Variants in PIEZO2 observed in about 807,000 individuals in gnomAD.
PIEZO2 encodes the protein piezo-type mechanosensitive ion channel component 2.
A neutral mutation model predicts 337.3 loss-of-function variants in PIEZO2; 172 were observed. That is an observed-to-expected ratio of 0.51 (90% CI 0.45 to 0.58). The LOEUF (loss-of-function observed/expected upper bound fraction) is 0.58. Ranked by LOEUF, PIEZO2 falls within the 20% of genes least tolerant of loss-of-function variation. PIEZO2 has a pLI of 0.00. For missense variants in PIEZO2, 3,028 were observed against 3,391.3 expected (o/e 0.89, Z 2.66); for synonymous variants, 1,251 against 1,228.5 (o/e 1.02, Z -0.38).
intron 1 of PIEZO2, among the ~76,000 whole-genome samples, chr18:11,073,733 A>G (rs11080484): frequency 0.52 from 78,705 of 151,992 alleles, 22,350 homozygotes; most frequent in East Asian, 0.97. Flanking sequence ...AAACTACGAG[A>G]GCTTTAAATG....
At chr18:10,788,230 C>T (rs933321484) in intron 15 of PIEZO2, among the ~76,000 whole-genome samples, 4 of 151,906 alleles carry the variant, frequency 2.6e-5, no homozygotes, top group African/African-American at 9.7e-5. Context: ...GGTGAAACCC[C>T]GTCTCTACTA....
chr18:11,091,103 A>T (rs747312517), intron 1 of PIEZO2, among the ~76,000 whole-genome samples: 9 of 152,062 alleles, frequency 5.9e-5, no homozygotes, highest in Non-Finnish European at 1.2e-4. Flanking sequence ...AGAAATATTC[A>T]GGCCCGGCGC....
chr18:10,703,453 T>C (rs1225702493), intron 42 of PIEZO2, among the ~76,000 whole-genome samples: 1 of 152,266 alleles, frequency 6.6e-6, no homozygotes, highest in African/African-American at 2.4e-5. Context: ...ACTTTTGAGA[T>C]GCTTTACTGT....
At chr18:10,760,855 A>G in intron 24 of PIEZO2, 56 bp downstream of exon 24, 2 of 1,408,318 alleles carry the variant, frequency 1.4e-6, no homozygotes, top group Non-Finnish European at 1.9e-6. Flanking sequence ...GGCCAGAAGC[A>G]GTTCTTTGAA....
intron 3 of PIEZO2, among the ~76,000 whole-genome samples, chr18:10,956,423 A>T (rs2033524385): frequency 6.6e-6 from 1 of 152,206 alleles, no homozygotes; most frequent in African/African-American, 2.4e-5. Flanking sequence ...ATGGATTGGC[A>T]AAACTAATAT....
chr18:10,921,826 G>C (rs949196801), intron 3 of PIEZO2, among the ~76,000 whole-genome samples: 1 of 152,124 alleles, frequency 6.6e-6, no homozygotes, highest in African/African-American at 2.4e-5. Flanking sequence ...GTGGGTCTCT[G>C]AACTGGCCCC....
In PIEZO2 at chr18:10,716,362, C is replaced by A. The variant is rs1373541493; in HGVS notation, c.5090-546G>T. 6.6e-6 allele frequency among the ~76,000 whole-genome samples: 1 copy of A among 152,192 alleles called. No individual in the cohort carries two copies. Among genetic ancestry groups the A allele is most frequent in the Non-Finnish European group, 1.5e-5 (1 of 68,034 alleles). On this transcript the variant is annotated intron_variant, in intron 37 of 55. Coordinates refer to ENST00000674853, the MANE Select transcript of PIEZO2 (RefSeq NM_001378183.1). This position sits in a 1 kb window ranked among gnomAD's most constrained non-coding sequence, Gnocchi z 4.1. ...ACTATATTTTCTTTCTGATTTTCTTCATGACATTTTCTCTAGCTTCCTTAT... is the reference window on the plus strand; with the variant it reads ...ACTATATTTTCTTTCTGATTTTCTTAATGACATTTTCTCTAGCTTCCTTAT...
At chr18:10,934,129 A>G (rs2032240869) in intron 3 of PIEZO2, among the ~76,000 whole-genome samples, 1 of 152,264 alleles carries the variant, frequency 6.6e-6, no homozygotes, top group African/African-American at 2.4e-5. Flanking sequence ...GTCTATCAAA[A>G]TATTTCTGAC....
chr18:10,761,107 T>C lies in PIEZO2; in HGVS notation c.3254A>G (p.Asn1085Ser). 6.5e-7 allele frequency: 1 copy of C among 1,536,960 alleles called. No individual in the cohort carries two copies. Among genetic ancestry groups the C allele is most frequent in the East Asian group, 2.4e-5 (1 of 40,922 alleles). Residue 1085 changes from asparagine (N) to serine (S), a missense_variant, in exon 24 of 56, where the codon AAC becomes AGC. Asn to Ser is a conservative substitution (Grantham distance 46, BLOSUM62 1). Transcript: ENST00000674853. ...GGCCAGGATAGCCAGCATCAGGAGG[T>C]TATTCTACAAAGCAAGGAAACACAA... ...SSPLLVYLRN[N>S]LLMLAILAFE...
chr18:10,959,649 C>G (rs1489239266), intron 3 of PIEZO2, among the ~76,000 whole-genome samples: 1 of 152,046 alleles, frequency 6.6e-6, no homozygotes, highest in Non-Finnish European at 1.5e-5. Context: ...CATTACCTAC[C>G]CTTTATTTCA....
intron 22 of PIEZO2, 91 bp from the exon 23 acceptor site, chr18:10,762,716 A>C: frequency 1.4e-6 from 2 of 1,444,580 alleles, no homozygotes; most frequent in Non-Finnish European, 1.8e-6. Flanking sequence ...GCAAAATGAT[A>C]GTGGTAGGAT....
chr18:10,793,254 G>A (rs1414872004), intron 13 of PIEZO2, among the ~76,000 whole-genome samples: 6 of 144,686 alleles, frequency 4.1e-5, no homozygotes, highest in Non-Finnish European at 1.5e-5. Flanking sequence ...GCAAAACTCC[G>A]TCTCAAAAAA....
chr18:10,759,499 T>C lies in PIEZO2; in HGVS notation c.3740A>G (p.Asn1247Ser), dbSNP rs1170193016. The C allele has an allele frequency of 3.3e-6, 5 of 1,536,950 alleles. No homozygotes were observed. Among genetic ancestry groups the C allele is most frequent in the African/African-American group, 1.4e-5 (1 of 73,102 alleles). Reference protein sequence around the residue: ...LYFPDFIVRPNPVFLVYDFML... With the variant: ...LYFPDFIVRPSPVFLVYDFML... The stretch of plus-strand genomic sequence containing the variant: ...ACACTTACAGACGAGAAACACAGGG[T>C]TGGGCCGCACAATGAAATCTGGGAA... The change falls in exon 26 of 56, where the codon AAC becomes AGC. Residue 1247 changes from asparagine to serine, a missense_variant. Physicochemically the swap from Asn to Ser is conservative, Grantham distance 46. Around this residue, in one of 5 missense-constraint regions of PIEZO2, gnomAD observed 1,925 missense variants for 2,051.9 expected, o/e 0.94. Transcript: ENST00000674853. The surrounding 1 kb of genome is among the most constrained non-coding windows in gnomAD (Gnocchi z 5.5).
chr18:10,757,549 A>G, intron 27 of PIEZO2, among the ~76,000 whole-genome samples: 2 of 142,882 alleles, frequency 1.4e-5, no homozygotes, highest in African/African-American at 2.7e-5. Flanking sequence ...AGCTATGGGG[A>G]TGAGGATGAG....
chr18:10,765,737 A>AGGGCAACTGAACC (rs11271811), intron 21 of PIEZO2, among the ~76,000 whole-genome samples: 125,614 of 151,778 alleles, frequency 0.83, 52,362 homozygotes, highest in African/African-American at 0.92. Context: ...CAGCAAGTGC[A>AGGGCAACTGAACC]GGAGTCCTGT....
intron 2 of PIEZO2, among the ~76,000 whole-genome samples, chr18:11,039,581 T>G (rs1174621936): frequency 6.6e-6 from 1 of 152,050 alleles, no homozygotes; most frequent in Non-Finnish European, 1.5e-5. Context: ...ATAACTAACA[T>G]ATATATATGA....
chr18:10,682,158 C>A lies in PIEZO2; in HGVS notation c.7632G>T (p.Gly2544=). 1.3e-6 allele frequency: 2 copies of A among 1,537,086 alleles called. No individual in the cohort carries two copies. Among genetic ancestry groups the A allele is most frequent in the Non-Finnish European group, 1.7e-6 (2 of 1,146,886 alleles). The change falls in exon 50 of 56, where the codon GGG becomes GGT. Residue 2544 remains glycine (G), a synonymous_variant. Coordinates refer to ENST00000674853, the MANE Select transcript of PIEZO2 (RefSeq NM_001378183.1). The surrounding 1 kb of genome is among the most constrained non-coding windows in gnomAD (Gnocchi z 5.6). ...AGACGTCCAGGGGCTGGTTGATGAC[C>A]CCAGCCACAGATTTGATCAAAGACA... is the stretch of plus-strand genomic sequence containing the variant. ...LFMSLIKSVA[G]VINQPLDVSV...
At chr18:10,986,027 G>T (rs2034858149) in intron 2 of PIEZO2, among the ~76,000 whole-genome samples, 1 of 151,934 alleles carries the variant, frequency 6.6e-6, no homozygotes, top group African/African-American at 2.4e-5. Flanking sequence ...GATGGAAAAA[G>T]ATATTTCTGC....
chr18:10,671,448 T>C lies in PIEZO2; in HGVS notation c.*79A>G, dbSNP rs1177525801. ...CAAACCATTTCCGTCGAACTAGAAA[T>C]GCTTAGCTCTTATGAGAATATTGTG... On this transcript the variant is annotated 3_prime_UTR_variant, in exon 56 of 56. Transcript: ENST00000674853. 7.1e-7 allele frequency: 1 copy of C among 1,417,808 alleles called. No homozygotes were observed. Among genetic ancestry groups the C allele is most frequent in the African/African-American group, 1.4e-5 (1 of 69,406 alleles). 87.8% of individuals were successfully genotyped at this position (1,417,808 alleles called of 1,614,324 possible).
Sources: allele counts gnomAD v4.1 joint callset (sites outside exome capture counted in the v4.1 genomes callset), GRCh38; gene constraint gnomAD v4.1.1; regional missense constraint gnomAD v4.1.1; non-coding constraint Gnocchi (gnomAD v3.1); transcripts MANE v1.5; gene names NCBI Gene and HGNC (gene_info 2026-07-23, HGNC 2026-07-21).